The following TMEM132E variants were observed in gnomAD, a reference collection of about 807,000 sequenced individuals.
TMEM132E encodes transmembrane protein 132E.
A neutral mutation model predicts 78.5 loss-of-function variants in TMEM132E; 49 were observed. That is an observed-to-expected ratio of 0.62 (90% CI 0.50 to 0.79). TMEM132E has a LOEUF of 0.79. Among genes scored for constraint, TMEM132E ranks in the 30% least tolerant of loss-of-function variants. The pLI, the probability that TMEM132E is intolerant of heterozygous loss-of-function variation, is 0.00. For missense variants in TMEM132E, 1,403 were observed against 1,470.9 expected, an observed-to-expected ratio of 0.95 and a Z score of 0.75; for synonymous variants, 715 against 670.6, an observed-to-expected ratio of 1.07 and a Z score of -1.02.
chr17:34,593,735 G>A (rs942972774), intron 1 of TMEM132E, among the ~76,000 whole-genome samples: 1 of 152,220 alleles, frequency 6.6e-6, no homozygotes, highest in Non-Finnish European at 1.5e-5. Context: ...TTTCCCTTCT[G>A]CTCTGCCAGG....
intron 1 of TMEM132E, among the ~76,000 whole-genome samples, chr17:34,624,973 T>C (rs1377073401): frequency 6.6e-6 from 1 of 152,138 alleles, no homozygotes; most frequent in Non-Finnish European, 1.5e-5. Flanking sequence ...AGATCCAAAA[T>C]AAGATTTCAA....
rs1390727052 is a variant in TMEM132E, at chr17:34,626,975, G to A, written c.916G>A (p.Gly306Arg). 2.5e-6 allele frequency: 4 copies of A among 1,613,904 alleles called. No homozygotes were observed. In the South Asian group the frequency reaches 3.3e-5, roughly 13 times the overall value. ...CCTGCCAGACCGGCCCCTCAAGCCCGGGGAAGTGCTCAGCATCCTCCTCTA... is the reference window on the plus strand; with the variant it reads ...CCTGCCAGACCGGCCCCTCAAGCCCAGGGAAGTGCTCAGCATCCTCCTCTA... ...IRLPDRPLKPGEVLSILLYLA... is the reference protein window; with the variant it reads ...IRLPDRPLKPREVLSILLYLA... Residue 306 changes from glycine to arginine, a missense_variant, in exon 2 of 9, where the codon GGG (glycine) becomes AGG (arginine). By Grantham distance (125) the Gly-to-Arg change is moderately radical. This residue lies in a region of TMEM132E where 511 missense variants were observed against 499.0 expected (regional missense o/e 1.02). Transcript: ENST00000631683.
chr17:34,610,040 C>G (rs993557023), intron 1 of TMEM132E, among the ~76,000 whole-genome samples: 12 of 151,864 alleles, frequency 7.9e-5, no homozygotes, highest in African/African-American at 2.9e-4. Context: ...AATCAGTCCT[C>G]GAGTTTCTAC....
rs1274745735 is a variant in TMEM132E, at chr17:34,581,007, C to G, written c.-70C>G. 10 of 1,391,378 alleles carry G rather than the reference C, an allele frequency of 7.2e-6. No homozygotes were observed. Among genetic ancestry groups the G allele is most frequent in the African/African-American group, 1.5e-5 (1 of 67,234 alleles). The allele number at this position is 1,391,378 out of a possible 1,614,324, so 86.2% of individuals were successfully genotyped here. A position where few individuals can be genotyped will look rare whatever the true frequency, so the allele number is the denominator to read the frequency against. On this transcript the variant is annotated 5_prime_UTR_variant, in exon 1 of 9. Transcript: ENST00000631683. ...ACGGCAGCCCTGAGTTGGATGTGAC[C>G]AAGCCCAGCCTGGGGCCAAGTCGTC...
chr17:34,612,867 G>A (rs550731170), intron 1 of TMEM132E, among the ~76,000 whole-genome samples: 3 of 152,080 alleles, frequency 2.0e-5, no homozygotes, highest in Non-Finnish European at 2.9e-5. Flanking sequence ...CCGTCACTGG[G>A]GGGGGCAGTG....
rs1190476285 is a variant in TMEM132E at position 34,634,979 on chromosome 17, G to A, written c.1869G>A (p.Glu623=). 6.2e-7 allele frequency: 1 copy of A among 1,614,120 alleles called. No individual in the cohort carries two copies. The highest frequency in any genetic ancestry group is 1.1e-5 in the South Asian group (1 of 91,082). Reference sequence around the variant, plus strand: ...TGTTAGGCCCGGACTGGCTGGTGGAGGTCACCGACCTAGTCAGTGACTTCA... The same window carrying A: ...TGTTAGGCCCGGACTGGCTGGTGGAAGTCACCGACCTAGTCAGTGACTTCA... ...VTMLGPDWLV[E]VTDLVSDFMR... is the part of the protein sequence containing the mutation. The change falls in exon 7 of 9, where the codon GAG becomes GAA. Residue 623 remains glutamate (E), a synonymous_variant. Transcript: ENST00000631683.
intron 5 of TMEM132E, 98 bp downstream of exon 5, chr17:34,630,249 C>A: frequency 7.5e-7 from 1 of 1,338,210 alleles, no homozygotes; most frequent in Non-Finnish European, 1.0e-6. Flanking sequence ...TCTTACTCAT[C>A]CTCTAACACT....
chr17:34,634,733 G>C, intron 6 of TMEM132E, 66 bp from the exon 7 acceptor site: 1 of 1,513,856 alleles, frequency 6.6e-7, no homozygotes, highest in Non-Finnish European at 8.9e-7. Flanking sequence ...GCAAGGGTGC[G>C]GGGTGTGTAC....
chr17:34,613,199 A>ACC (rs1335335026), intron 1 of TMEM132E, among the ~76,000 whole-genome samples: 10 of 110,256 alleles, frequency 9.1e-5, no homozygotes, highest in African/African-American at 3.2e-4. Flanking sequence ...ACACACACCC[A>ACC]CACACACACA....
At position 34,580,125 on chromosome 17, in the gene TMEM132E, G is replaced by A. The variant is rs1002742800; in HGVS notation, c.-952G>A. On this transcript the variant is annotated 5_prime_UTR_variant, in exon 1 of 9. Coordinates refer to ENST00000631683, the MANE Select transcript of TMEM132E (RefSeq NM_001304438.2). ...GGCCCGGAGCTGCCGTGAGCTGCAG[G>A]AGCCCCTCTGCATCTTACAGCGTTT... 6.6e-6 allele frequency: 1 copy of A among 152,404 alleles called. No individual in the cohort carries two copies. Among genetic ancestry groups the A allele is most frequent in the Non-Finnish European group, 1.5e-5 (1 of 68,180 alleles). 9.4% of individuals were successfully genotyped at this position (152,404 alleles called of 1,614,324 possible).
At chr17:34,619,724 T>C (rs1906897829) in intron 1 of TMEM132E, among the ~76,000 whole-genome samples, 1 of 152,260 alleles carries the variant, frequency 6.6e-6, no homozygotes. Flanking sequence ...ATACCAGGCC[T>C]GTCCCCTGGA....
intron 8 of TMEM132E, 105 bp from the exon 9 acceptor site, chr17:34,637,072 G>A: frequency 1.0e-6 from 1 of 974,342 alleles, no homozygotes; most frequent in South Asian, 1.6e-5. Context: ...ATACAGCAGG[G>A]AGCCAGAGAC....
intron 5 of TMEM132E, among the ~76,000 whole-genome samples, chr17:34,632,213 A>G (rs1907368424): frequency 6.6e-6 from 1 of 152,216 alleles, no homozygotes; most frequent in South Asian, 2.1e-4. Flanking sequence ...CATGCCAGAG[A>G]GGCCGTGGAG....
chr17:34,628,977 A>G, intron 3 of TMEM132E, 35 bp from the exon 4 acceptor site: 1 of 1,522,500 alleles, frequency 6.6e-7, no homozygotes, highest in East Asian at 2.3e-5. Flanking sequence ...CCAGCCCTTC[A>G]TCCTCTGCTC....
chr17:34,638,379 G>A lies in TMEM132E; in HGVS notation c.*147G>A, dbSNP rs1211530869. The A allele has an allele frequency of 4.5e-6, 4 of 880,192 alleles. No individual in the cohort carries two copies. In the East Asian group the frequency reaches 1.1e-4, roughly 25 times the overall value. The allele number at this position is 880,192 out of a possible 1,614,324, so 54.5% of individuals were successfully genotyped here. On this transcript the variant is annotated 3_prime_UTR_variant, in exon 9 of 9. Coordinates refer to ENST00000631683, the MANE Select transcript of TMEM132E (RefSeq NM_001304438.2). ...CTGCAGCTTGGCTCCGTGCGGAGCG[G>A]GCCGCCTCAGTGTCTGGGCCTTCCC...
chr17:34,600,773 G>A (rs1370901419), intron 1 of TMEM132E, among the ~76,000 whole-genome samples: 2 of 152,166 alleles, frequency 1.3e-5, no homozygotes, highest in Non-Finnish European at 1.5e-5. Flanking sequence ...CACCTTGCAC[G>A]TGGCCTTTCC....
At position 34,638,454 on chromosome 17, in the gene TMEM132E, C is replaced by T. The variant is rs1907627828; in HGVS notation, c.*222C>T. ...TGCCCCCTGCAGGTGGAGGGCTCTT[C>T]CTCCAGTGGCTCGTAAGGAGGAAAG... is the stretch of plus-strand genomic sequence containing the variant. On this transcript the variant is annotated 3_prime_UTR_variant, in exon 9 of 9. Transcript: ENST00000631683. 4 of 492,872 alleles carry T rather than the reference C, an allele frequency of 8.1e-6. No individual in the cohort carries two copies. In the South Asian group the frequency reaches 1.7e-4, roughly 21 times the overall value. 30.5% of individuals were successfully genotyped at this position (492,872 alleles called of 1,614,324 possible).
intron 1 of TMEM132E, among the ~76,000 whole-genome samples, chr17:34,625,082 G>A (rs959335448): frequency 6.6e-6 from 1 of 152,110 alleles, no homozygotes; most frequent in Non-Finnish European, 1.5e-5. Flanking sequence ...TTGTGTCCAG[G>A]AGAAAAAAAT....
chr17:34,597,632 G>A (rs1906103967), intron 1 of TMEM132E, among the ~76,000 whole-genome samples: 2 of 152,202 alleles, frequency 1.3e-5, no homozygotes, highest in African/African-American at 2.4e-5. Context: ...GACACCCCAT[G>A]GAGGTGAACC....
Sources: allele counts gnomAD v4.1 joint callset (sites outside exome capture counted in the v4.1 genomes callset), GRCh38; gene constraint gnomAD v4.1.1; regional missense constraint gnomAD v4.1.1; transcripts MANE v1.5; gene names NCBI Gene and HGNC (gene_info 2026-07-23, HGNC 2026-07-21).